KCNK2: variants seen among roughly 807,000 people sequenced by gnomAD.
The protein encoded by KCNK2 is potassium channel subfamily K member 2.
Under a neutral mutation model 40.5 loss-of-function variants are expected in KCNK2, and 21 were observed. The observed-to-expected ratio is 0.52, with a 90% confidence interval of 0.37 to 0.75. KCNK2 has a LOEUF of 0.75. Among genes scored for constraint, KCNK2 ranks in the 30% least tolerant of loss-of-function variants. The pLI is 0.00. For missense variants in KCNK2, 399 were observed against 531.6 expected (o/e 0.75, Z 2.45); for synonymous variants, 191 against 202.2 (o/e 0.94, Z 0.47).
At chr1:215,129,092 G>A (rs1472543823) in intron 3 of KCNK2, among the ~76,000 whole-genome samples, 1 of 152,146 alleles carries the variant, frequency 6.6e-6, no homozygotes, top group Non-Finnish European at 1.5e-5. Flanking sequence ...ACCACAAAAT[G>A]TCGAAATAAT....
intron 1 of KCNK2, among the ~76,000 whole-genome samples, chr1:215,032,931 G>A (rs536491996): frequency 7.2e-5 from 11 of 151,886 alleles, no homozygotes; most frequent in African/African-American, 2.4e-4. Context: ...TGTCATTATT[G>A]TTTCATATAT....
chr1:215,194,969 A>G lies in KCNK2; in HGVS notation c.840A>G (p.Glu280=), dbSNP rs573638555. The G allele has an allele frequency of 3.1e-6, 5 of 1,613,386 alleles. No homozygotes were observed. In the Admixed American group the frequency reaches 6.7e-5, roughly 22 times the overall value. Residue 280 remains glutamate, a synonymous_variant, in exon 6 of 7, where the codon GAA becomes GAG. Transcript: ENST00000444842. ...GDYVAGGSDI[E]YLDFYKPVVW... is the part of the protein sequence containing the mutation. Reference sequence around the variant, plus strand: ...TGTCTCCAGGTGGATCCGATATTGAATATCTGGACTTCTATAAGCCTGTCG... The same window carrying G: ...TGTCTCCAGGTGGATCCGATATTGAGTATCTGGACTTCTATAAGCCTGTCG...
At chr1:215,061,018 A>G (rs1260255541) in intron 1 of KCNK2, among the ~76,000 whole-genome samples, 2 of 152,174 alleles carry the variant, frequency 1.3e-5, no homozygotes, top group African/African-American at 4.8e-5. Flanking sequence ...CAAAAATAGT[A>G]TTTAACGTGT....
In KCNK2 at chr1:215,163,112, G is replaced by C. The variant is rs566020780; in HGVS notation, c.476-6087G>C. On this transcript the variant is annotated intron_variant, in intron 3 of 6. Coordinates refer to ENST00000444842, the MANE Select transcript of KCNK2 (RefSeq NM_001017425.3). ...GTCCTCTTTTATTTCCTTGAGCAGT[G>C]GTTTGTAGTTCTCCTTGAAGAGGTC... Among the ~76,000 whole-genome samples the C allele has an allele frequency of 5.2e-4, 79 of 152,046 alleles. 3 individuals carry two copies. In the South Asian group the frequency reaches 0.016, roughly 32 times the overall value.
At chr1:215,111,053 T>G (rs934130185) in intron 2 of KCNK2, among the ~76,000 whole-genome samples, 4 of 152,164 alleles carry the variant, frequency 2.6e-5, no homozygotes, top group African/African-American at 7.2e-5. Flanking sequence ...CATAATTTGC[T>G]TTTTCAGAAT....
At chr1:215,019,953 A>G (rs1000498179) in intron 1 of KCNK2, among the ~76,000 whole-genome samples, 2 of 152,028 alleles carry the variant, frequency 1.3e-5, no homozygotes, top group Non-Finnish European at 2.9e-5. Flanking sequence ...GGACCACTAT[A>G]TATATATATT....
At chr1:215,104,989 G>A (rs1247572773) in intron 2 of KCNK2, among the ~76,000 whole-genome samples, 1 of 151,968 alleles carries the variant, frequency 6.6e-6, no homozygotes, top group Non-Finnish European at 1.5e-5. Context: ...AGGCTTTGTA[G>A]TATGCCTTTT....
chr1:215,043,522 C>T (rs369423962), intron 1 of KCNK2, among the ~76,000 whole-genome samples: 4 of 152,116 alleles, frequency 2.6e-5, no homozygotes, highest in South Asian at 2.1e-4. Context: ...AAGAACATTA[C>T]GCTAAGTGAA....
At chr1:215,009,479 G>A (rs902841484) in intron 1 of KCNK2, among the ~76,000 whole-genome samples, 1 of 151,954 alleles carries the variant, frequency 6.6e-6, no homozygotes, top group Non-Finnish European at 1.5e-5. Flanking sequence ...ATCTCACTTT[G>A]AAGTGGAGAG....
chr1:215,149,801 C>A (rs1662604651), intron 3 of KCNK2, among the ~76,000 whole-genome samples: 1 of 152,112 alleles, frequency 6.6e-6, no homozygotes, highest in Non-Finnish European at 1.5e-5. Flanking sequence ...CAGTGAAGGC[C>A]ACATTGAAAA....
chr1:215,102,539 G>T (rs1204271097), intron 2 of KCNK2, among the ~76,000 whole-genome samples: 2 of 151,952 alleles, frequency 1.3e-5, no homozygotes, highest in African/African-American at 4.8e-5. Context: ...AGAAAGGAAA[G>T]TATTTTTAAT....
intron 1 of KCNK2, among the ~76,000 whole-genome samples, chr1:215,021,738 C>T (rs970567634): frequency 2.0e-5 from 3 of 151,868 alleles, no homozygotes; most frequent in African/African-American, 7.3e-5. Flanking sequence ...TTAGTAGAGA[C>T]GGGGTTTCAC....
At chr1:215,060,577 G>T (rs1327328902) in intron 1 of KCNK2, among the ~76,000 whole-genome samples, 2 of 152,214 alleles carry the variant, frequency 1.3e-5, no homozygotes, top group Admixed American at 6.5e-5. Context: ...TTCATGCCAT[G>T]TAGGAGGTGA....
chr1:215,094,640 G>C (rs911800724), intron 2 of KCNK2, among the ~76,000 whole-genome samples: 1 of 152,048 alleles, frequency 6.6e-6, no homozygotes, highest in African/African-American at 2.4e-5. Flanking sequence ...ACTACATCAA[G>C]TAGCAATTGA....
chr1:215,066,105 G>A (rs1379256217), intron 1 of KCNK2, among the ~76,000 whole-genome samples: 1 of 145,224 alleles, frequency 6.9e-6, no homozygotes, highest in Admixed American at 7.0e-5. Context: ...TCACACACCA[G>A]GGCCTGTTGG....
At chr1:215,024,662 A>G (rs1455888562) in intron 1 of KCNK2, among the ~76,000 whole-genome samples, 2 of 152,180 alleles carry the variant, frequency 1.3e-5, no homozygotes, top group Non-Finnish European at 2.9e-5. Context: ...CCCATTGAAC[A>G]AATGTTGCTT....
intron 5 of KCNK2, among the ~76,000 whole-genome samples, chr1:215,181,959 A>G (rs200886010): frequency 1.3e-5 from 2 of 152,362 alleles, no homozygotes; most frequent in East Asian, 3.9e-4. Flanking sequence ...GTGCATGGCC[A>G]CTGAGTGTCC....
intron 3 of KCNK2, among the ~76,000 whole-genome samples, chr1:215,158,482 A>T (rs544455560): frequency 7.9e-5 from 12 of 152,204 alleles, no homozygotes; most frequent in African/African-American, 2.9e-4. Flanking sequence ...GGGGTAGATC[A>T]AATTAAGTCC....
At chr1:215,220,339 T>A (rs2102699151) in intron 6 of KCNK2, among the ~76,000 whole-genome samples, 1 of 152,288 alleles carries the variant, frequency 6.6e-6, no homozygotes, top group South Asian at 2.1e-4. Context: ...GTAGCCAATC[T>A]TGAGTTGCCG....
Sources: allele counts gnomAD v4.1 joint callset (sites outside exome capture counted in the v4.1 genomes callset), GRCh38; gene constraint gnomAD v4.1.1; transcripts MANE v1.5; gene names NCBI Gene and HGNC (gene_info 2026-07-23, HGNC 2026-07-21).